P2RY8: variants seen among roughly 807,000 people sequenced by gnomAD.
P2RY8 encodes S-geranylgeranyl-glutathione receptor P2RY8.
A neutral mutation model predicts 10.0 loss-of-function variants in P2RY8; 6 were observed. The ratio of observed to expected loss-of-function variants is 0.60; its 90% CI spans 0.33 to 1.19. The LOEUF (loss-of-function observed/expected upper bound fraction) is 1.19, where lower values mean the gene tolerates loss of function less well. Ranked by LOEUF, P2RY8 falls within the 50% of genes most tolerant of loss-of-function variation. P2RY8 has a pLI of 0.04. For synonymous variants in P2RY8, 276 were observed against 252.5 expected (o/e 1.09, Z -0.88); for missense variants, 456 against 542.0 (o/e 0.84, Z 1.58).
chrX:1,535,307 C>T (rs2092515912), intron 1 of P2RY8, among the ~76,000 whole-genome samples: 1 of 143,756 alleles, frequency 7.0e-6, no homozygotes, highest in African/African-American at 2.6e-5. Flanking sequence ...GCTGCCTTAG[C>T]GTGCCGAGTA....
chrX:1,494,447 G>C (rs1371752499), intron 1 of P2RY8: 3 of 151,978 alleles, frequency 2.0e-5, no homozygotes, highest in Non-Finnish European at 4.4e-5. Flanking sequence ...TCCTCTTTTT[G>C]GCCCTGGGCC....
chrX:1,521,942 CTCTT>C (rs2092395090), intron 1 of P2RY8, among the ~76,000 whole-genome samples: 1 of 48,694 alleles, frequency 2.1e-5, no homozygotes, highest in Non-Finnish European at 3.7e-5. Flanking sequence ...CTCTCTCGCT[CTCTT>C]TTTTTTTTTT....
At chrX:1,488,014 G>C (rs1368189473) in intron 1 of P2RY8, among the ~76,000 whole-genome samples, 5 of 152,118 alleles carry the variant, frequency 3.3e-5, no homozygotes, top group Non-Finnish European at 7.4e-5. Flanking sequence ...GGAGGCTGAG[G>C]CATGAGAATC....
At chrX:1,509,787 TGTATCCATCC>T (rs1569538154) in intron 1 of P2RY8, among the ~76,000 whole-genome samples, 6 of 59,290 alleles carry the variant, frequency 1.0e-4, no homozygotes, top group Non-Finnish European at 2.0e-4. Context: ...CTATCATCTA[TGTATCCATCC>T]TATCTATCTA....
chrX:1,491,844 G>A (rs1410637609), intron 1 of P2RY8, among the ~76,000 whole-genome samples: 1 of 152,212 alleles, frequency 6.6e-6, no homozygotes, highest in Non-Finnish European at 1.5e-5. Context: ...GAGCGAATGA[G>A]TGATGGAATG....
chrX:1,467,975 C>T (rs2091714878), intron 1 of P2RY8, among the ~76,000 whole-genome samples: 1 of 150,888 alleles, frequency 6.6e-6, no homozygotes, highest in Non-Finnish European at 1.5e-5. Context: ...ACCTCCGTGC[C>T]CAGCTAACAT....
At chrX:1,487,898 C>G (rs2092001072) in intron 1 of P2RY8, among the ~76,000 whole-genome samples, 1 of 152,100 alleles carries the variant, frequency 6.6e-6, no homozygotes, top group African/African-American at 2.4e-5. Context: ...ATCACGAGGT[C>G]AGGAGATCGA....
In P2RY8 at chrX:1,466,591, G is replaced by A; in HGVS notation, c.-24-9C>T. 1.3e-6 allele frequency: 2 copies of A among 1,582,842 alleles called. No homozygotes were observed. The highest frequency in any genetic ancestry group is 1.7e-6 in the Non-Finnish European group (2 of 1,168,806). On this transcript the variant is annotated splice_polypyrimidine_tract_variant and intron_variant, in intron 1 of 1. Transcript: ENST00000381297. ...GGGTCCTCGCCCGGGCTCTGCAAGGGAAGGAGGGAAGGGTGTACGGGTCAG... is the reference window on the plus strand; with the variant it reads ...GGGTCCTCGCCCGGGCTCTGCAAGGAAAGGAGGGAAGGGTGTACGGGTCAG...
At chrX:1,492,996 C>T (rs2092068346) in intron 1 of P2RY8, among the ~76,000 whole-genome samples, 1 of 151,838 alleles carries the variant, frequency 6.6e-6, no homozygotes, top group African/African-American at 2.4e-5. Flanking sequence ...TGTAACAGCA[C>T]CTGTCTCACG....
At chrX:1,515,496 C>T (rs1215149421) in intron 1 of P2RY8, among the ~76,000 whole-genome samples, 2 of 151,552 alleles carry the variant, frequency 1.3e-5, no homozygotes, top group African/African-American at 2.4e-5. Context: ...CTCAGCTTCC[C>T]GAGTAGCTGG....
chrX:1,483,591 G>A (rs771029789), intron 1 of P2RY8, among the ~76,000 whole-genome samples: 8 of 152,092 alleles, frequency 5.3e-5, no homozygotes, highest in African/African-American at 1.7e-4. Flanking sequence ...CCAACATTGC[G>A]CCACTGCACT....
At chrX:1,479,020 TTC>T (rs1214623797) in intron 1 of P2RY8, among the ~76,000 whole-genome samples, 1 of 152,234 alleles carries the variant, frequency 6.6e-6, no homozygotes, top group Non-Finnish European at 1.5e-5. Flanking sequence ...ATGCAACCTC[TTC>T]TGAACTTCCA....
chrX:1,498,380 T>C (rs1306884835), intron 1 of P2RY8, among the ~76,000 whole-genome samples: 1 of 114,224 alleles, frequency 8.8e-6, no homozygotes, highest in Non-Finnish European at 1.7e-5. Flanking sequence ...CACTCCAGCC[T>C]GGGCGACAGA....
At position 1,528,349 on chromosome X, in the gene P2RY8, C is replaced by T. The variant is rs1465729949; in HGVS notation, c.-25+8572G>A. ...TCATGCAGGTATGCATGTGACAGGG[C>T]TCCTTGCTGGAGAGTGGGTTCCTGG... is the stretch of plus-strand genomic sequence containing the variant. On this transcript the variant is annotated intron_variant, in intron 1 of 1. Coordinates refer to ENST00000381297, the MANE Select transcript of P2RY8 (RefSeq NM_178129.5). Among the ~76,000 whole-genome samples the T allele has an allele frequency of 2.0e-5, 3 of 152,216 alleles. 1 individual carries two copies. The highest frequency in any genetic ancestry group is 4.4e-5 in the Non-Finnish European group (3 of 68,032).
At chrX:1,519,529 C>G (rs2092375996) in intron 1 of P2RY8, among the ~76,000 whole-genome samples, 1 of 151,840 alleles carries the variant, frequency 6.6e-6, no homozygotes, top group South Asian at 2.1e-4. Context: ...CTCTCTGGTC[C>G]CAATATTCTC....
intron 1 of P2RY8, among the ~76,000 whole-genome samples, chrX:1,532,145 C>T (rs2092479745): frequency 6.6e-6 from 1 of 151,962 alleles, no homozygotes; most frequent in Non-Finnish European, 1.5e-5. Context: ...CTTGCACAGG[C>T]ATGTTTATAG....
chrX:1,487,885 T>A (rs1299187447), intron 1 of P2RY8, among the ~76,000 whole-genome samples: 1 of 151,620 alleles, frequency 6.6e-6, no homozygotes, highest in African/African-American at 2.4e-5. Flanking sequence ...CCGAGGCGGG[T>A]GGATCACGAG....
chrX:1,532,812 C>T (rs2092489442), intron 1 of P2RY8, among the ~76,000 whole-genome samples: 2 of 151,662 alleles, frequency 1.3e-5, no homozygotes, highest in South Asian at 4.2e-4. Context: ...CCAGCCTGGC[C>T]AATATGGTGA....
intron 1 of P2RY8, among the ~76,000 whole-genome samples, chrX:1,488,807 C>A (rs2092012056): frequency 7.2e-6 from 1 of 138,332 alleles, no homozygotes; most frequent in African/African-American, 2.6e-5. Context: ...TGAATGGGTG[C>A]ATGTATGAAT....
Sources: gnomAD v4.1 joint callset for allele counts (sites outside exome capture counted in the v4.1 genomes callset) on GRCh38, gnomAD v4.1.1 for gene constraint, MANE v1.5 for transcripts, NCBI Gene and HGNC (gene_info 2026-07-23, HGNC 2026-07-21) for gene names.